The following GABRB3 variants were observed in gnomAD, a reference collection of about 807,000 sequenced individuals.
GABRB3 encodes gamma-aminobutyric acid type A receptor subunit beta3.
GABRB3 carries 14 observed loss-of-function variants against 52.1 expected under a neutral mutation model. That is an observed-to-expected ratio of 0.27 (90% CI 0.18 to 0.42). GABRB3 has a LOEUF of 0.42. GABRB3 is among the 10% of genes least tolerant of loss of function. The probability of loss-of-function intolerance (pLI) is 1.00; values close to 1 mark genes in which losing one functional copy is unlikely to be tolerated. For missense variants in GABRB3, 307 were observed against 609.1 expected (o/e 0.50, Z 5.22); for synonymous variants, 260 against 232.3 (o/e 1.12, Z -1.08).
At chr15:26,750,599 G>A (rs575585459) in intron 3 of GABRB3, among the ~76,000 whole-genome samples, 38 of 152,318 alleles carry the variant, frequency 2.5e-4, no homozygotes, top group African/African-American at 9.1e-4. Flanking sequence ...AGTGAATTAA[G>A]ATTAACTAAA....
At chr15:26,718,203 T>A (rs1302981881) in intron 3 of GABRB3, among the ~76,000 whole-genome samples, 1 of 152,116 alleles carries the variant, frequency 6.6e-6, no homozygotes. Context: ...TTATTTCTTA[T>A]TTATTTATTT....
intron 6 of GABRB3, among the ~76,000 whole-genome samples, chr15:26,571,210 C>T (rs58051348): frequency 0.041 from 1,885 of 45,762 alleles, 19 homozygotes; most frequent in Middle Eastern, 0.082. Context: ...TACTATAATC[C>T]ACCATACATG....
intron 3 of GABRB3, among the ~76,000 whole-genome samples, chr15:26,690,460 A>C (rs1888553315): frequency 6.6e-6 from 1 of 152,128 alleles, no homozygotes; most frequent in Admixed American, 6.5e-5. Flanking sequence ...TAGGCAAATA[A>C]GAAAGAAACG....
rs910590518 is a variant in GABRB3, at chr15:26,544,790, T to C, written c.*3003A>G. The C allele has an allele frequency of 4.6e-5, 7 of 152,586 alleles. No homozygotes were observed. The highest frequency in any genetic ancestry group is 1.4e-4 in the African/African-American group (6 of 41,454). The allele number at this position is 152,586 out of a possible 1,614,324, so 9.5% of individuals were successfully genotyped here. On this transcript the variant is annotated 3_prime_UTR_variant, in exon 9 of 9. Transcript: ENST00000311550. Reference sequence around the variant, plus strand: ...TGGAAAGACAGGACTACTGAGAAAATTAACTCTTTATTACTTTCAATTGTT... The same window carrying C: ...TGGAAAGACAGGACTACTGAGAAAACTAACTCTTTATTACTTTCAATTGTT...
intron 3 of GABRB3, among the ~76,000 whole-genome samples, chr15:26,731,319 C>T (rs946371517): frequency 1.3e-5 from 2 of 152,348 alleles, no homozygotes; most frequent in Admixed American, 1.3e-4. Context: ...TTTCAAAAGA[C>T]TGCTTCCCAC....
chr15:26,577,314 A>G (rs1595453961), intron 6 of GABRB3, among the ~76,000 whole-genome samples: 1 of 152,126 alleles, frequency 6.6e-6, no homozygotes, highest in African/African-American at 2.4e-5. Context: ...GGAGTTCGAG[A>G]CCAGCCTGGC....
chr15:26,705,687 A>T (rs540311933), intron 3 of GABRB3, among the ~76,000 whole-genome samples: 1 of 152,188 alleles, frequency 6.6e-6, no homozygotes, highest in African/African-American at 2.4e-5. Flanking sequence ...AGAGACACCA[A>T]TCAGTGCAGA....
chr15:26,740,038 T>A (rs1370989743), intron 3 of GABRB3, among the ~76,000 whole-genome samples: 1 of 152,164 alleles, frequency 6.6e-6, no homozygotes, highest in East Asian at 1.9e-4. Flanking sequence ...AAACAACGTG[T>A]CAACAAAATG....
At chr15:26,583,291 T>G in intron 5 of GABRB3, 41 bp downstream of exon 5, 1 of 1,503,096 alleles carries the variant, frequency 6.7e-7, no homozygotes, top group Non-Finnish European at 9.3e-7. Context: ...GGATCAAAAG[T>G]ACAAATAGGA....
intron 3 of GABRB3, among the ~76,000 whole-genome samples, chr15:26,716,316 T>G (rs1346160109): frequency 6.6e-6 from 1 of 152,138 alleles, no homozygotes; most frequent in Non-Finnish European, 1.5e-5. Context: ...GGTAGGATAA[T>G]GAACCTGATG....
At chr15:26,734,273 C>T (rs1374700386) in intron 3 of GABRB3, among the ~76,000 whole-genome samples, 1 of 151,856 alleles carries the variant, frequency 6.6e-6, no homozygotes, top group Non-Finnish European at 1.5e-5. Flanking sequence ...TCAGGTGATC[C>T]GCCTGCCTCG....
At chr15:26,692,471 A>C (rs1888616932) in intron 3 of GABRB3, among the ~76,000 whole-genome samples, 1 of 152,218 alleles carries the variant, frequency 6.6e-6, no homozygotes, top group Non-Finnish European at 1.5e-5. Flanking sequence ...TTGGTAAAAC[A>C]ATCAGTTATA....
chr15:26,579,733 C>G (rs1037193884), intron 6 of GABRB3, among the ~76,000 whole-genome samples: 30 of 152,332 alleles, frequency 2.0e-4, no homozygotes, highest in African/African-American at 6.3e-4. Flanking sequence ...TGTGCAAGAA[C>G]AGACTGAGGA....
chr15:26,629,620 C>CT (rs1367718509), intron 3 of GABRB3, among the ~76,000 whole-genome samples: 1 of 152,234 alleles, frequency 6.6e-6, no homozygotes, highest in East Asian at 1.9e-4. Flanking sequence ...TCGTCCTTGG[C>CT]TGTGGGTGAG....
At chr15:26,663,192 T>C (rs1230217815) in intron 3 of GABRB3, among the ~76,000 whole-genome samples, 2 of 152,190 alleles carry the variant, frequency 1.3e-5, no homozygotes, top group Non-Finnish European at 2.9e-5. Flanking sequence ...ACCCCCTTCA[T>C]AGCCACATCA....
chr15:26,722,348 G>A (rs1337477220), intron 3 of GABRB3, among the ~76,000 whole-genome samples: 3 of 152,152 alleles, frequency 2.0e-5, no homozygotes, highest in Non-Finnish European at 4.4e-5. Context: ...ATAAGAGAGA[G>A]AATTTGAGAA....
intron 3 of GABRB3, among the ~76,000 whole-genome samples, chr15:26,634,946 A>G (rs1257428959): frequency 1.0e-4 from 12 of 117,726 alleles, no homozygotes; most frequent in Non-Finnish European, 2.2e-4. Flanking sequence ...TAAAGATTAG[A>G]TAACTTTCTC....
At chr15:26,581,789 A>G (rs1212540258) in intron 5 of GABRB3, among the ~76,000 whole-genome samples, 1 of 152,204 alleles carries the variant, frequency 6.6e-6, no homozygotes, top group South Asian at 2.1e-4. Flanking sequence ...CAACCTCGCA[A>G]TCACTCACTA....
At chr15:26,617,905 C>A (rs1892322342) in intron 4 of GABRB3, among the ~76,000 whole-genome samples, 2 of 151,538 alleles carry the variant, frequency 1.3e-5, no homozygotes, top group Admixed American at 1.3e-4. Flanking sequence ...TGAGTGAACT[C>A]CCATTCACAA....
Sources: gnomAD v4.1 joint callset for allele counts (sites outside exome capture counted in the v4.1 genomes callset) on GRCh38, gnomAD v4.1.1 for gene constraint, MANE v1.5 for transcripts, NCBI Gene and HGNC (gene_info 2026-07-23, HGNC 2026-07-21) for gene names.